Variants in SYNGR1 observed in about 807,000 individuals in gnomAD.
SYNGR1 encodes synaptogyrin 1, also known as synaptogyrin-1.
A neutral mutation model predicts 26.1 loss-of-function variants in SYNGR1; 14 were observed. That is an observed-to-expected ratio of 0.54 (90% CI 0.35 to 0.84). SYNGR1 has a LOEUF of 0.84. Among genes scored for constraint, SYNGR1 ranks in the 40% least tolerant of loss-of-function variants. The pLI, the probability that SYNGR1 is intolerant of heterozygous loss-of-function variation, is 0.01. For missense variants in SYNGR1, 319 were observed against 332.9 expected (o/e 0.96, Z 0.33); for synonymous variants, 141 against 150.1 (o/e 0.94, Z 0.44).
intron 3 of SYNGR1, among the ~76,000 whole-genome samples, chr22:39,381,260 G>A (rs1481761319): frequency 2.0e-5 from 3 of 152,200 alleles, no homozygotes; most frequent in Admixed American, 6.5e-5. Flanking sequence ...TGGCCAAAAC[G>A]TAGTCACATG....
At position 39,350,912 on chromosome 22, in the gene SYNGR1, C is replaced by T. The variant is rs1469881258; in HGVS notation, c.99+803C>T. On this transcript the variant is annotated intron_variant, in intron 1 of 3. Coordinates refer to ENST00000328933, the MANE Select transcript of SYNGR1 (RefSeq NM_004711.5). The surrounding 1 kb of genome is among the most constrained non-coding windows in gnomAD (Gnocchi z 4.3). ...GGTGTCTGGGAGAAAGGTCTGCTCC[C>T]ACAGTGAAGAGGCCAGGGTGGCCTC... Among the ~76,000 whole-genome samples the T allele has an allele frequency of 1.3e-5, 2 of 152,164 alleles. No individual in the cohort carries two copies. The highest frequency in any genetic ancestry group is 2.9e-5 in the Non-Finnish European group (2 of 68,024).
intron 1 of SYNGR1, among the ~76,000 whole-genome samples, chr22:39,354,764 G>A (rs1015862858): frequency 1.3e-5 from 2 of 152,008 alleles, no homozygotes; most frequent in Admixed American, 6.6e-5. Flanking sequence ...GCTTGAACCC[G>A]GGAGGCGGAG....
intron 1 of SYNGR1, among the ~76,000 whole-genome samples, chr22:39,367,181 G>A (rs1255116168): frequency 6.6e-6 from 1 of 152,232 alleles, no homozygotes; most frequent in African/African-American, 2.4e-5. Flanking sequence ...CATACATCCT[G>A]TTCCCAACTG....
chr22:39,365,638 C>A (rs907217447), intron 1 of SYNGR1, among the ~76,000 whole-genome samples: 3 of 149,430 alleles, frequency 2.0e-5, no homozygotes. Flanking sequence ...CAGCTGACAG[C>A]CCTGCAGGGG....
intron 1 of SYNGR1, among the ~76,000 whole-genome samples, chr22:39,358,019 G>T (rs1924254740): frequency 6.6e-6 from 1 of 152,270 alleles, no homozygotes; most frequent in Non-Finnish European, 1.5e-5. Flanking sequence ...AGCTCCACCT[G>T]CAGCCCCGGT....
chr22:39,375,990 C>G (rs752164024), intron 2 of SYNGR1, 62 bp from the exon 3 acceptor site: 1 of 1,609,134 alleles, frequency 6.2e-7, no homozygotes, highest in Non-Finnish European at 8.5e-7. Context: ...CCATTTTCTC[C>G]CCACTCACCC....
rs986274415 is a variant in SYNGR1 at position 39,384,634 on chromosome 22, A to G, written c.*2720A>G. On this transcript the variant is annotated 3_prime_UTR_variant, in exon 4 of 4. Transcript: ENST00000328933. ...CAGCCCCTGGGGAACCCCAGGCCCA[A>G]CTCTGTCCGGTATCCCTTTTCCTCC... 6 of 398,322 alleles carry G rather than the reference A, an allele frequency of 1.5e-5. No homozygotes were observed. The highest frequency in any genetic ancestry group is 3.5e-5 in the East Asian group (1 of 28,190). 24.7% of individuals were successfully genotyped at this position (398,322 alleles called of 1,614,324 possible). A position where few individuals can be genotyped will look rare whatever the true frequency, so the allele number is the denominator to read the frequency against.
In SYNGR1 at chr22:39,378,456, A is replaced by G. The variant is rs1435717612; in HGVS notation, c.483+2259A>G. ...AATCTCTACTTTAAGAGTAATTCTC[A>G]TGTGATGAATCCTTGTTCCTCCAAA... is the stretch of plus-strand genomic sequence containing the variant. On this transcript the variant is annotated intron_variant, in intron 3 of 3. Coordinates refer to ENST00000328933, the MANE Select transcript of SYNGR1 (RefSeq NM_004711.5). 6 of 985,010 alleles carry G rather than the reference A, an allele frequency of 6.1e-6. No individual in the cohort carries two copies. The East Asian group carries it at 4.5e-4, about 73-fold the overall frequency. The allele number at this position is 985,010 out of a possible 1,614,324, so 61.0% of individuals were successfully genotyped here.
At chr22:39,362,735 T>C (rs1924540628) in intron 1 of SYNGR1, among the ~76,000 whole-genome samples, 1 of 152,016 alleles carries the variant, frequency 6.6e-6, no homozygotes, top group Non-Finnish European at 1.5e-5. Flanking sequence ...GCAGCCCCCT[T>C]TTCAGGGAGT....
Position 39,381,791 on chromosome 22 carries a change from C to T in SYNGR1, c.579C>T (p.Ser193=), listed in dbSNP as rs369312947. Residue 193 remains serine (S), a synonymous_variant, in exon 4 of 4, where the codon AGC becomes AGT. Transcript: ENST00000328933. ...QDYMDPSQDS[S]MPYAPYVEPT... ...ACATGGACCCCAGCCAGGACTCCAG[C>T]ATGCCTTACGCGCCCTACGTGGAGC... The T allele has an allele frequency of 3.7e-6, 6 of 1,607,058 alleles. No individual in the cohort carries two copies. Among genetic ancestry groups the T allele is most frequent in the Admixed American group, 1.7e-5 (1 of 59,164 alleles).
chr22:39,363,058 G>C (rs1298603461), intron 1 of SYNGR1, among the ~76,000 whole-genome samples: 1 of 152,160 alleles, frequency 6.6e-6, no homozygotes, highest in Admixed American at 6.5e-5. Flanking sequence ...TTTGTGTTGA[G>C]ATGTGCGTGT....
At chr22:39,353,465 G>A (rs1052656495) in intron 1 of SYNGR1, among the ~76,000 whole-genome samples, 2 of 152,238 alleles carry the variant, frequency 1.3e-5, no homozygotes, top group Non-Finnish European at 2.9e-5. Context: ...GAGGCGAGGC[G>A]TGGGCCACTG....
intron 1 of SYNGR1, among the ~76,000 whole-genome samples, chr22:39,369,554 C>T (rs1037039938): frequency 5.3e-5 from 8 of 152,116 alleles, no homozygotes; most frequent in African/African-American, 1.9e-4. Context: ...GGGCCCACCT[C>T]CAGAGGCTGA....
chr22:39,350,001 T>G lies in SYNGR1; in HGVS notation c.-10T>G. ...CGCCGAGCGGGGGGCACCGCGCGGG[T>G]GCAGCCACGATGGAAGGGGGTGCGT... is the stretch of plus-strand genomic sequence containing the variant. On this transcript the variant is annotated 5_prime_UTR_variant, in exon 1 of 4. Coordinates refer to ENST00000328933, the MANE Select transcript of SYNGR1 (RefSeq NM_004711.5). The surrounding 1 kb of genome is among the most constrained non-coding windows in gnomAD (Gnocchi z 4.3). 1 of 1,235,880 alleles carries G rather than the reference T, an allele frequency of 8.1e-7. No homozygotes were observed. The highest frequency in any genetic ancestry group is 1.0e-6 in the Non-Finnish European group (1 of 966,652). The allele number at this position is 1,235,880 out of a possible 1,614,324, so 76.6% of individuals were successfully genotyped here.
chr22:39,372,340 C>T (rs1035908881), intron 1 of SYNGR1, among the ~76,000 whole-genome samples: 1 of 151,042 alleles, frequency 6.6e-6, no homozygotes, highest in African/African-American at 2.4e-5. Context: ...ACCATGTTAA[C>T]CAGGATGGTC....
intron 2 of SYNGR1, chr22:39,374,775 G>A (rs4820377): frequency 0.69 from 412,046 of 601,282 alleles, 144,579 homozygotes; most frequent in East Asian, 1. Flanking sequence ...GCAGGGGAGC[G>A]TGGATGGGAT....
Position 39,365,988 on chromosome 22 carries a change from C to CTTTTTTTTTTTTTTTTTTTTTTTTTT in SYNGR1, c.100-8326_100-8301dup, listed in dbSNP as rs777416803. Among the ~76,000 whole-genome samples, 2 of 68,384 alleles carry CTTTTTTTTTTTTTTTTTTTTTTTTTT rather than the reference C, an allele frequency of 2.9e-5. 1 individual carries two copies. Among genetic ancestry groups the CTTTTTTTTTTTTTTTTTTTTTTTTTT allele is most frequent in the East Asian group, 2.0e-3 (2 of 1,016 alleles). 44.9% of individuals were successfully genotyped at this position (68,384 alleles called of 152,430 possible). Reference sequence around the variant, plus strand: ...CGTGAGCCACCGCGCTCAGCCCCTTCTTTTTTTTTTTTTTTTTTTTTTTTT... The same window carrying CTTTTTTTTTTTTTTTTTTTTTTTTTT: ...CGTGAGCCACCGCGCTCAGCCCCTTCTTTTTTTTTTTTTTTTTTTTTTTTTTTTTTTTTTTTTTTTTTTTTTTTTTT... On this transcript the variant is annotated intron_variant, in intron 1 of 3. Transcript: ENST00000328933.
intron 1 of SYNGR1, among the ~76,000 whole-genome samples, chr22:39,367,306 G>A (rs921819489): frequency 6.6e-6 from 1 of 152,254 alleles, no homozygotes; most frequent in Non-Finnish European, 1.5e-5. Flanking sequence ...GGGCAGGGCA[G>A]GCAGCTCACT....
At chr22:39,362,764 G>A (rs947170745) in intron 1 of SYNGR1, among the ~76,000 whole-genome samples, 1 of 152,044 alleles carries the variant, frequency 6.6e-6, no homozygotes, top group African/African-American at 2.4e-5. Context: ...TGTGCACAGG[G>A]GTGTGCAAGC....
Sources: gnomAD v4.1 joint callset for allele counts (sites outside exome capture counted in the v4.1 genomes callset) on GRCh38, gnomAD v4.1.1 for gene constraint, Gnocchi (gnomAD v3.1) non-coding constraint, MANE v1.5 for transcripts, NCBI Gene and HGNC (gene_info 2026-07-23, HGNC 2026-07-21) for gene names.